MSRA: variants seen among roughly 807,000 people sequenced by gnomAD.
The protein encoded by MSRA is mitochondrial peptide methionine sulfoxide reductase.
Under a neutral mutation model 31.3 loss-of-function variants are expected in MSRA, and 54 were observed. The observed-to-expected ratio is 1.73, with a 90% CI of 1.39 to 2.17. The LOEUF (loss-of-function observed/expected upper bound fraction) is 2.17, where lower values mean the gene tolerates loss of function less well. Among genes scored for constraint, MSRA ranks in the 30% most tolerant of loss-of-function variants. MSRA has a pLI of 0.00. For synonymous variants in MSRA, 169 were observed against 116.5 expected (o/e 1.45, Z -2.90); for missense variants, 507 against 300.9 (o/e 1.69, Z -5.07).
intron 5 of MSRA, among the ~76,000 whole-genome samples, chr8:10,363,686 C>A (rs1804986063): frequency 6.7e-6 from 1 of 148,602 alleles, no homozygotes; most frequent in South Asian, 2.2e-4. Flanking sequence ...GGGTGGATCA[C>A]TTGAACCCAG....
intron 5 of MSRA, among the ~76,000 whole-genome samples, chr8:10,423,757 G>T (rs1448691514): frequency 6.6e-6 from 1 of 152,202 alleles, no homozygotes; most frequent in Non-Finnish European, 1.5e-5. Context: ...ACGGAAAGTG[G>T]CTGCCTGAGT....
At chr8:10,195,084 A>G (rs780952370) in intron 1 of MSRA, among the ~76,000 whole-genome samples, 6 of 152,174 alleles carry the variant, frequency 3.9e-5, no homozygotes, top group Non-Finnish European at 7.3e-5. Context: ...CTTTATAACA[A>G]TGCTGATTAT....
At chr8:10,275,751 C>T (rs1470129905) in intron 3 of MSRA, among the ~76,000 whole-genome samples, 1 of 152,126 alleles carries the variant, frequency 6.6e-6, no homozygotes, top group Non-Finnish European at 1.5e-5. Flanking sequence ...AGCTGTGTGA[C>T]ACAAAACAGG....
chr8:10,183,772 CTGGTGGTGGTGGTGG>C (rs144951163), intron 1 of MSRA, among the ~76,000 whole-genome samples: 15 of 142,004 alleles, frequency 1.1e-4, no homozygotes, highest in African/African-American at 1.9e-4. Context: ...ACAAGCTGAG[CTGGTGGTGGTGGTGG>C]TGGTGGTGGT....
At chr8:10,161,258 A>G (rs143305268) in intron 1 of MSRA, among the ~76,000 whole-genome samples, 1 of 152,346 alleles carries the variant, frequency 6.6e-6, no homozygotes, top group East Asian at 1.9e-4. Flanking sequence ...ATAATTAAAT[A>G]TCATCTGTTT....
intron 3 of MSRA, among the ~76,000 whole-genome samples, chr8:10,274,576 G>A (rs374473703): frequency 2.6e-5 from 4 of 152,166 alleles, no homozygotes; most frequent in Admixed American, 6.5e-5. Flanking sequence ...AGACATACCT[G>A]TGTTACCTAA....
intron 3 of MSRA, among the ~76,000 whole-genome samples, chr8:10,270,626 C>T (rs758151754): frequency 4.6e-5 from 7 of 152,156 alleles, no homozygotes; most frequent in Non-Finnish European, 8.8e-5. Context: ...TGGAGTTCCA[C>T]ACGTTGGTGA....
intron 1 of MSRA, among the ~76,000 whole-genome samples, chr8:10,147,100 G>A (rs1294392694): frequency 6.6e-6 from 1 of 152,150 alleles, no homozygotes; most frequent in Non-Finnish European, 1.5e-5. Flanking sequence ...CAAATGTAAG[G>A]GACACAGAGA....
rs1243972847 is a variant in MSRA at position 10,077,824 on chromosome 8, GTTGGT to G, written c.142+23167_142+23171del. 2.0e-5 allele frequency among the ~76,000 whole-genome samples: 3 copies of G among 152,124 alleles called. No individual in the cohort carries two copies. The East Asian group carries it at 5.8e-4, about 29-fold the overall frequency. On this transcript the variant is annotated intron_variant, in intron 1 of 5. Coordinates refer to ENST00000317173, the MANE Select transcript of MSRA (RefSeq NM_012331.5). ...CTTGCTATCCATTTAGGAGGAGACT[GTTGGT>G]GTCCATTGGTCCCATTTACTCATCC...
chr8:10,130,878 C>A (rs1476529237), intron 1 of MSRA, among the ~76,000 whole-genome samples: 1 of 152,132 alleles, frequency 6.6e-6, no homozygotes, highest in Admixed American at 6.5e-5. Flanking sequence ...CGAGGAATAG[C>A]CTTCTCAGGT....
intron 3 of MSRA, among the ~76,000 whole-genome samples, chr8:10,270,908 C>G (rs565230287): frequency 6.6e-6 from 1 of 152,288 alleles, no homozygotes; most frequent in South Asian, 2.1e-4. Context: ...GGCGCCTTCC[C>G]CACAGCTTGG....
At chr8:10,313,079 C>T (rs1801522784) in intron 4 of MSRA, among the ~76,000 whole-genome samples, 1 of 152,094 alleles carries the variant, frequency 6.6e-6, no homozygotes, top group South Asian at 2.1e-4. Context: ...TTTATCTTTC[C>T]CCAGCCGGAC....
intron 2 of MSRA, among the ~76,000 whole-genome samples, chr8:10,208,746 G>T (rs186692391): frequency 6.6e-4 from 100 of 152,248 alleles, no homozygotes; most frequent in African/African-American, 2.3e-3. Flanking sequence ...TCACCTCCAC[G>T]TTTAGACAGG....
At chr8:10,175,355 T>C (rs1053496203) in intron 1 of MSRA, among the ~76,000 whole-genome samples, 1 of 152,226 alleles carries the variant, frequency 6.6e-6, no homozygotes, top group African/African-American at 2.4e-5. Flanking sequence ...ATCTCCGCAA[T>C]TGGAACATGT....
rs12114195 is a variant in MSRA, at chr8:10,113,768, T to A, written c.142+59110T>A. ...TAAGCAGCCCAGGTATTTGCATTTT[T>A]TTTTTTTTTAAAAAAAAGATTATTA... On this transcript the variant is annotated intron_variant, in intron 1 of 5. Coordinates refer to ENST00000317173, the MANE Select transcript of MSRA (RefSeq NM_012331.5). Among the ~76,000 whole-genome samples the A allele has an allele frequency of 2.6e-5, 4 of 151,740 alleles. No homozygotes were observed. The East Asian group carries it at 7.8e-4, about 29-fold the overall frequency.
At chr8:10,162,102 T>A (rs1312228841) in intron 1 of MSRA, among the ~76,000 whole-genome samples, 2 of 150,704 alleles carry the variant, frequency 1.3e-5, no homozygotes, top group Non-Finnish European at 3.0e-5. Context: ...CGATGGGAGG[T>A]GATTAGAGAG....
intron 1 of MSRA, among the ~76,000 whole-genome samples, chr8:10,061,665 C>T (rs939501143): frequency 2.0e-5 from 3 of 151,910 alleles, no homozygotes; most frequent in African/African-American, 7.3e-5. Flanking sequence ...ATGGTTAATG[C>T]CTGAGAACAA....
chr8:10,221,935 GGGA>G (rs1171977563), intron 2 of MSRA, among the ~76,000 whole-genome samples: 1 of 152,218 alleles, frequency 6.6e-6, no homozygotes, highest in Non-Finnish European at 1.5e-5. Flanking sequence ...TAATCAGCAA[GGGA>G]GGAGGAGGAG....
At chr8:10,101,661 C>T (rs1356098797) in intron 1 of MSRA, among the ~76,000 whole-genome samples, 1 of 152,164 alleles carries the variant, frequency 6.6e-6, no homozygotes, top group Non-Finnish European at 1.5e-5. Flanking sequence ...TGACTGGCTT[C>T]TTTCACTTAG....
Sources: gnomAD v4.1 joint callset for allele counts (sites outside exome capture counted in the v4.1 genomes callset) on GRCh38, gnomAD v4.1.1 for gene constraint, MANE v1.5 for transcripts, NCBI Gene and HGNC (gene_info 2026-07-23, HGNC 2026-07-21) for gene names.